The following ST8SIA1 variants were observed in gnomAD, a reference collection of about 807,000 sequenced individuals.
ST8SIA1 encodes alpha-N-acetylneuraminide alpha-2,8-sialyltransferase.
In ST8SIA1, 16 loss-of-function variants were observed where a neutral mutation model predicts 35.9. The ratio of observed to expected loss-of-function variants is 0.45; its 90% CI spans 0.30 to 0.68. The LOEUF (loss-of-function observed/expected upper bound fraction) is 0.68, where lower values mean the gene tolerates loss of function less well. Among genes scored for constraint, ST8SIA1 ranks in the 30% least tolerant of loss-of-function variants. The pLI, the probability that ST8SIA1 is intolerant of heterozygous loss-of-function variation, is 0.09. For missense variants in ST8SIA1, 383 were observed against 453.6 expected (o/e 0.84, Z 1.41); for synonymous variants, 170 against 169.6 (o/e 1.00, Z -0.02).
intron 2 of ST8SIA1, among the ~76,000 whole-genome samples, chr12:22,283,490 G>A (rs1415757113): frequency 6.6e-6 from 1 of 152,130 alleles, no homozygotes; most frequent in Non-Finnish European, 1.5e-5. Flanking sequence ...CAACCCAGGG[G>A]ATTGGGAGCA....
intron 4 of ST8SIA1, among the ~76,000 whole-genome samples, chr12:22,219,817 C>A (rs1374501940): frequency 4.6e-5 from 7 of 152,076 alleles, no homozygotes; most frequent in Admixed American, 4.6e-4. Flanking sequence ...TATGCATGAC[C>A]CATCTGCAAT....
At chr12:22,318,786 G>A (rs1467834264) in intron 1 of ST8SIA1, among the ~76,000 whole-genome samples, 3 of 152,188 alleles carry the variant, frequency 2.0e-5, no homozygotes, top group Non-Finnish European at 4.4e-5. Flanking sequence ...TTCCTTTGCA[G>A]TAAGACACTG....
chr12:22,220,764 T>C (rs1293009371), intron 4 of ST8SIA1, among the ~76,000 whole-genome samples: 1 of 152,204 alleles, frequency 6.6e-6, no homozygotes, highest in Non-Finnish European at 1.5e-5. Flanking sequence ...TAGATCCTTA[T>C]GCTGTCTCCA....
chr12:22,281,577 G>A (rs1024129023), intron 2 of ST8SIA1, among the ~76,000 whole-genome samples: 7 of 152,188 alleles, frequency 4.6e-5, no homozygotes, highest in South Asian at 4.1e-4. Flanking sequence ...AGGGGATACC[G>A]GGGAGCTCAA....
intron 1 of ST8SIA1, among the ~76,000 whole-genome samples, chr12:22,314,614 A>C (rs1273384054): frequency 2.0e-5 from 3 of 152,180 alleles, no homozygotes; most frequent in Non-Finnish European, 4.4e-5. Context: ...AAACCTGTCC[A>C]GTATTGAATT....
chr12:22,311,114 C>CTCAT (rs1438568637), intron 1 of ST8SIA1, among the ~76,000 whole-genome samples: 1 of 152,144 alleles, frequency 6.6e-6, no homozygotes, highest in Admixed American at 6.5e-5. Flanking sequence ...CAGGTAATCA[C>CTCAT]TCATTCATTC....
At chr12:22,208,399 C>T (rs1229390560) in intron 4 of ST8SIA1, among the ~76,000 whole-genome samples, 2 of 152,068 alleles carry the variant, frequency 1.3e-5, no homozygotes, top group East Asian at 3.9e-4. Flanking sequence ...AGAGTCTTAG[C>T]TTCCCTATAC....
chr12:22,217,852 CA>C (rs1401609444), intron 4 of ST8SIA1, among the ~76,000 whole-genome samples: 2 of 152,120 alleles, frequency 1.3e-5, no homozygotes, highest in African/African-American at 2.4e-5. Flanking sequence ...TCCAAGGACA[CA>C]AGTTATAAAT....
rs1317393088 is a variant in ST8SIA1, at chr12:22,249,012, C to A, written c.578G>T (p.Arg193Leu). 1.2e-6 allele frequency: 2 copies of A among 1,612,436 alleles called. No individual in the cohort carries two copies. Among genetic ancestry groups the A allele is most frequent in the Non-Finnish European group, 1.7e-6 (2 of 1,178,854 alleles). Residue 193 changes from arginine to leucine, a missense_variant, in exon 4 of 5, where the codon CGG (arginine) becomes CTG (leucine). By Grantham distance (102) the Arg-to-Leu change is moderately radical (BLOSUM62 -2). Coordinates refer to ENST00000396037, the MANE Select transcript of ST8SIA1 (RefSeq NM_003034.4). ...AGAAGTCATAAACTCTTACCTTTGC[C>A]GAATTATGCTGGGATTAGCTGTCAC... ...QLVTANPSII[R>L]QRFQNLLWSR... is the part of the protein sequence containing the mutation.
At chr12:22,249,249 C>CAAAAAAACAGTAACTGTTTTTTGTTTT in intron 3 of ST8SIA1, 151 bp from the exon 4 acceptor site, 1 of 570,180 alleles carries the variant, frequency 1.8e-6, no homozygotes, top group Non-Finnish European at 3.1e-6. Context: ...GATGGAGTCT[C>CAAAAAAACAGTAACTGTTTTTTGTTTT]GCTCTGTTGC....
chr12:22,206,121 G>C (rs1184768874), intron 4 of ST8SIA1, among the ~76,000 whole-genome samples: 1 of 152,098 alleles, frequency 6.6e-6, no homozygotes, highest in Non-Finnish European at 1.5e-5. Context: ...ACAATAAAGG[G>C]TGAATAAAGC....
In ST8SIA1 at chr12:22,201,494, G is replaced by C. The variant is rs2120601771; in HGVS notation, c.*58C>G. On this transcript the variant is annotated 3_prime_UTR_variant, in exon 5 of 5. Coordinates refer to ENST00000396037, the MANE Select transcript of ST8SIA1 (RefSeq NM_003034.4). ...AACAACTTGACCATTCCCTCTTGGA[G>C]TCACATAGAAAACCTAACAAAAATA... is the stretch of plus-strand genomic sequence containing the variant. The C allele has an allele frequency of 6.5e-7, 1 of 1,527,112 alleles. No individual in the cohort carries two copies. Among genetic ancestry groups the C allele is most frequent in the East Asian group, 2.3e-5 (1 of 44,268 alleles). The allele number at this position is 1,527,112 out of a possible 1,614,324, so 94.6% of individuals were successfully genotyped here. A position where few individuals can be genotyped will look rare whatever the true frequency, so the allele number is the denominator to read the frequency against.
intron 4 of ST8SIA1, among the ~76,000 whole-genome samples, chr12:22,213,497 A>G (rs997743273): frequency 6.6e-6 from 1 of 152,202 alleles, no homozygotes; most frequent in Non-Finnish European, 1.5e-5. Flanking sequence ...AGATATGCAT[A>G]TATCTGAAAT....
intron 4 of ST8SIA1, among the ~76,000 whole-genome samples, chr12:22,243,561 T>C (rs1865564284): frequency 7.1e-6 from 1 of 141,796 alleles, no homozygotes; most frequent in Non-Finnish European, 1.5e-5. Flanking sequence ...AACAAGATGC[T>C]ATGAATGCAG....
At chr12:22,314,782 G>A (rs899359180) in intron 1 of ST8SIA1, among the ~76,000 whole-genome samples, 4 of 151,964 alleles carry the variant, frequency 2.6e-5, no homozygotes, top group African/African-American at 9.7e-5. Flanking sequence ...CACATCCCTG[G>A]CTCCAGGCGT....
In ST8SIA1 at chr12:22,262,172, G is replaced by A. The variant is rs571835091; in HGVS notation, c.382-6783C>T. On this transcript the variant is annotated intron_variant, in intron 2 of 4. Coordinates refer to ENST00000396037, the MANE Select transcript of ST8SIA1 (RefSeq NM_003034.4). Reference sequence around the variant, plus strand: ...GGTGTTTTATAGCATGCATGAGAGTGAAAAGACTTGTTAAGTGCCAGCTGC... The same window carrying A: ...GGTGTTTTATAGCATGCATGAGAGTAAAAAGACTTGTTAAGTGCCAGCTGC... Among the ~76,000 whole-genome samples, 3 of 152,258 alleles carry A rather than the reference G, an allele frequency of 2.0e-5. No homozygotes were observed. In the South Asian group the frequency reaches 6.2e-4, roughly 32 times the overall value.
intron 1 of ST8SIA1, among the ~76,000 whole-genome samples, chr12:22,292,303 T>A (rs895814089): frequency 2.0e-5 from 3 of 152,186 alleles, no homozygotes; most frequent in African/African-American, 2.4e-5. Context: ...CCTGCTTTAT[T>A]CTTCTCTCTA....
At chr12:22,212,601 G>T (rs941290460) in intron 4 of ST8SIA1, among the ~76,000 whole-genome samples, 4 of 152,128 alleles carry the variant, frequency 2.6e-5, no homozygotes, top group Non-Finnish European at 5.9e-5. Flanking sequence ...AAAAAAAATT[G>T]TAACAGTGAG....
chr12:22,320,499 C>T (rs900900087), intron 1 of ST8SIA1, among the ~76,000 whole-genome samples: 10 of 152,102 alleles, frequency 6.6e-5, no homozygotes, highest in African/African-American at 2.2e-4. Flanking sequence ...CAAGGGCTTT[C>T]CCTCCCTGCC....
Sources: gnomAD v4.1 joint callset for allele counts (sites outside exome capture counted in the v4.1 genomes callset) on GRCh38, gnomAD v4.1.1 for gene constraint, MANE v1.5 for transcripts, NCBI Gene and HGNC (gene_info 2026-07-23, HGNC 2026-07-21) for gene names.